Variants in CTNND2 observed in about 807,000 individuals in gnomAD.
The protein encoded by CTNND2 is catenin delta 2.
A neutral mutation model predicts 144.4 loss-of-function variants in CTNND2; 22 were observed. That is an observed-to-expected ratio of 0.15 (90% CI 0.11 to 0.22). The LOEUF is 0.22. Among genes scored for constraint, CTNND2 ranks in the 10% least tolerant of loss-of-function variants. The pLI, the probability that CTNND2 is intolerant of heterozygous loss-of-function variation, is 1.00. For missense variants in CTNND2, 1,353 were observed against 1,618.8 expected, an observed-to-expected ratio of 0.84 and a Z score of 2.82; for synonymous variants, 751 against 695.6, an observed-to-expected ratio of 1.08 and a Z score of -1.25.
chr5:11,127,036 C>T (rs770237446), intron 12 of CTNND2, among the ~76,000 whole-genome samples: 16 of 152,232 alleles, frequency 1.1e-4, no homozygotes, highest in East Asian at 1.9e-4. Flanking sequence ...CACGCACATC[C>T]GTGCAGGGGT....
At chr5:11,595,733 A>G (rs1018874933) in intron 2 of CTNND2, among the ~76,000 whole-genome samples, 1 of 152,220 alleles carries the variant, frequency 6.6e-6, no homozygotes, top group African/African-American at 2.4e-5. Flanking sequence ...TGAAATTCAC[A>G]TGCTTTTACA....
intron 1 of CTNND2, among the ~76,000 whole-genome samples, chr5:11,815,120 AAC>A (rs1479609969): frequency 6.6e-6 from 1 of 152,186 alleles, no homozygotes; most frequent in Non-Finnish European, 1.5e-5. Context: ...ATTAAGAGAC[AAC>A]AGATATCACT....
chr5:11,631,423 C>T (rs1405838226), intron 2 of CTNND2, among the ~76,000 whole-genome samples: 1 of 152,150 alleles, frequency 6.6e-6, no homozygotes, highest in African/African-American at 2.4e-5. Context: ...TAAGGAAAGG[C>T]CCTATTTACT....
At chr5:11,371,890 G>GT (rs1323325554) in intron 7 of CTNND2, among the ~76,000 whole-genome samples, 1 of 152,106 alleles carries the variant, frequency 6.6e-6, no homozygotes, top group Non-Finnish European at 1.5e-5. Flanking sequence ...TAATTCCAGT[G>GT]TAACAGGCCA....
intron 16 of CTNND2, among the ~76,000 whole-genome samples, chr5:11,043,661 A>T (rs1340759904): frequency 6.6e-6 from 1 of 152,202 alleles, no homozygotes; most frequent in Non-Finnish European, 1.5e-5. Flanking sequence ...AATTAAAATG[A>T]CTTATTGTTA....
chr5:11,050,434 C>T (rs1308047010), intron 16 of CTNND2, among the ~76,000 whole-genome samples: 2 of 152,142 alleles, frequency 1.3e-5, no homozygotes, highest in Non-Finnish European at 2.9e-5. Context: ...AGGAGAAAAA[C>T]TAATAATAGA....
intron 1 of CTNND2, among the ~76,000 whole-genome samples, chr5:11,788,558 A>C (rs1180537070): frequency 2.6e-5 from 4 of 152,188 alleles, no homozygotes; most frequent in Non-Finnish European, 5.9e-5. Context: ...TATATATGAA[A>C]TTCTCACATA....
At chr5:11,232,695 T>G (rs1242687792) in intron 10 of CTNND2, among the ~76,000 whole-genome samples, 3 of 152,224 alleles carry the variant, frequency 2.0e-5, no homozygotes, top group Admixed American at 1.3e-4. Context: ...GACTTGGACT[T>G]TTGGGTTAAT....
At chr5:11,701,248 A>G (rs1308352174) in intron 2 of CTNND2, among the ~76,000 whole-genome samples, 2 of 152,198 alleles carry the variant, frequency 1.3e-5, no homozygotes, top group African/African-American at 4.8e-5. Flanking sequence ...AACTCCCCAT[A>G]GGAAAACCCT....
chr5:11,442,111 T>C (rs1764322049), intron 3 of CTNND2, among the ~76,000 whole-genome samples: 1 of 152,212 alleles, frequency 6.6e-6, no homozygotes, highest in Non-Finnish European at 1.5e-5. Flanking sequence ...AAAATTCACA[T>C]CACTTATAAT....
At chr5:11,287,522 G>A (rs1343224064) in intron 9 of CTNND2, among the ~76,000 whole-genome samples, 2 of 152,168 alleles carry the variant, frequency 1.3e-5, no homozygotes, top group Non-Finnish European at 2.9e-5. Context: ...GATGCCAAAG[G>A]TGCCAATGTT....
At chr5:11,023,267 G>A (rs1353124747) in intron 16 of CTNND2, among the ~76,000 whole-genome samples, 1 of 152,096 alleles carries the variant, frequency 6.6e-6, no homozygotes, top group Non-Finnish European at 1.5e-5. Flanking sequence ...ATCTCTAAAG[G>A]AAGACAATAA....
At chr5:11,033,763 G>A (rs1743755725) in intron 16 of CTNND2, among the ~76,000 whole-genome samples, 1 of 152,164 alleles carries the variant, frequency 6.6e-6, no homozygotes, top group Admixed American at 6.5e-5. Flanking sequence ...CTGGGAGGCA[G>A]AGGTTGCAGT....
At chr5:11,250,487 C>CTATATATATATATA (rs1282598853) in intron 9 of CTNND2, among the ~76,000 whole-genome samples, 3 of 67,194 alleles carry the variant, frequency 4.5e-5, no homozygotes, top group South Asian at 1.1e-3. Flanking sequence ...CTCTCTCTCT[C>CTATATATATATATA]TCTCTATATA....
At chr5:11,824,756 C>A (rs1289390795) in intron 1 of CTNND2, among the ~76,000 whole-genome samples, 2 of 152,092 alleles carry the variant, frequency 1.3e-5, no homozygotes, top group African/African-American at 4.8e-5. Flanking sequence ...GAATCATAAG[C>A]CACAACACTT....
At chr5:11,559,344 C>G (rs1323511580) in intron 3 of CTNND2, among the ~76,000 whole-genome samples, 1 of 152,120 alleles carries the variant, frequency 6.6e-6, no homozygotes, top group Non-Finnish European at 1.5e-5. Flanking sequence ...AGAACCCTGT[C>G]TACCTTGAGG....
intron 9 of CTNND2, among the ~76,000 whole-genome samples, chr5:11,278,616 A>G (rs954622154): frequency 6.6e-6 from 1 of 152,172 alleles, no homozygotes; most frequent in Non-Finnish European, 1.5e-5. Context: ...GAGAGGAGAC[A>G]GGGGGAGGGG....
chr5:11,094,205 GCAA>G (rs1383252567), intron 15 of CTNND2, among the ~76,000 whole-genome samples: 1 of 152,098 alleles, frequency 6.6e-6, no homozygotes, highest in Admixed American at 6.5e-5. Flanking sequence ...ATCCTAAGAG[GCAA>G]AATCCTACTT....
chr5:11,714,087 C>T (rs1373076746), intron 2 of CTNND2, among the ~76,000 whole-genome samples: 2 of 152,046 alleles, frequency 1.3e-5, no homozygotes, highest in South Asian at 2.1e-4. Flanking sequence ...TGAGTGATGG[C>T]TTAATTTATT....
Sources: gnomAD v4.1 joint callset for allele counts (sites outside exome capture counted in the v4.1 genomes callset) on GRCh38, gnomAD v4.1.1 for gene constraint, MANE v1.5 for transcripts, NCBI Gene and HGNC (gene_info 2026-07-23, HGNC 2026-07-21) for gene names.